Variants in ALG6 observed in about 807,000 individuals in gnomAD.
The protein encoded by ALG6 is dolichyl pyrophosphate Man9GlcNAc2 alpha-1,3-glucosyltransferase.
In ALG6, 46 loss-of-function variants were observed where a neutral mutation model predicts 66.6. The observed-to-expected ratio is 0.69, with a 90% CI of 0.55 to 0.88. The LOEUF is 0.88. Ranked by LOEUF, ALG6 falls within the 40% of genes least tolerant of loss-of-function variation. ALG6 has a pLI of 0.00. For missense variants in ALG6, 505 were observed against 586.8 expected (o/e 0.86, Z 1.44); for synonymous variants, 185 against 203.7 (o/e 0.91, Z 0.78).
chr1:63,407,733 A>G (rs1268911897), intron 7 of ALG6, among the ~76,000 whole-genome samples: 2 of 152,102 alleles, frequency 1.3e-5, no homozygotes, highest in African/African-American at 4.8e-5. Flanking sequence ...AAGGAAAAAA[A>G]GACGACATTA....
intron 11 of ALG6, among the ~76,000 whole-genome samples, chr1:63,418,044 G>A (rs1172773435): frequency 1.3e-5 from 2 of 151,720 alleles, no homozygotes; most frequent in Non-Finnish European, 2.9e-5. Context: ...TGAGGCAGGA[G>A]AATCGCTTGA....
intron 7 of ALG6, 141 bp from the exon 8 acceptor site, chr1:63,411,005 A>T (rs937993476): frequency 1.3e-6 from 1 of 779,530 alleles, no homozygotes; most frequent in Admixed American, 2.6e-5. Flanking sequence ...AATAGCTTTC[A>T]TTGTATATGT....
chr1:63,394,794 T>C (rs1197482240), intron 2 of ALG6, among the ~76,000 whole-genome samples: 1 of 152,196 alleles, frequency 6.6e-6, no homozygotes, highest in Non-Finnish European at 1.5e-5. Flanking sequence ...CAGACTTTGC[T>C]GCTTATTACG....
Position 63,411,908 on chromosome 1 carries a change from C to T in ALG6, c.681-18C>T, listed in dbSNP as rs1184314485. ...TGACCTTTCCCTATCTTACTGCCTA[C>T]CTTTGTTTTTGTTTTAGGTTTGTGT... On this transcript the variant is annotated intron_variant, in intron 8 of 14. Transcript: ENST00000263440. 2.5e-6 allele frequency: 4 copies of T among 1,613,942 alleles called. No homozygotes were observed. The South Asian group carries it at 4.4e-5, about 18-fold the overall frequency.
chr1:63,423,808 C>T (rs143135230), intron 12 of ALG6, among the ~76,000 whole-genome samples: 2 of 152,226 alleles, frequency 1.3e-5, no homozygotes, highest in East Asian at 3.9e-4. Flanking sequence ...TATTCATGTA[C>T]AAGTTTTTGT....
chr1:63,370,422 C>T (rs1045409820), intron 1 of ALG6, among the ~76,000 whole-genome samples: 3 of 152,148 alleles, frequency 2.0e-5, no homozygotes, highest in East Asian at 3.9e-4. Context: ...CCTTTGTCTA[C>T]GGTTGTGGTT....
intron 2 of ALG6, 131 bp downstream of exon 2, chr1:63,371,190 T>C (rs997691922): frequency 3.0e-6 from 2 of 666,804 alleles, no homozygotes; most frequent in African/African-American, 3.6e-5. Context: ...GTTGAGAAAA[T>C]ACATTTAAAT....
At chr1:63,394,892 G>A (rs1385081336) in intron 2 of ALG6, among the ~76,000 whole-genome samples, 1 of 149,366 alleles carries the variant, frequency 6.7e-6, no homozygotes, top group East Asian at 2.0e-4. Flanking sequence ...TTTGGATGGA[G>A]TCTCACTCTG....
At chr1:63,427,348 C>T (rs780392935) in intron 12 of ALG6, among the ~76,000 whole-genome samples, 15 of 151,724 alleles carry the variant, frequency 9.9e-5, no homozygotes, top group Non-Finnish European at 1.6e-4. Flanking sequence ...GTTTATAATC[C>T]CAGGGTTTAA....
chr1:63,436,506 C>G (rs1030335778), intron 14 of ALG6, among the ~76,000 whole-genome samples: 1 of 152,046 alleles, frequency 6.6e-6, no homozygotes, highest in Admixed American at 6.6e-5. Context: ...GTCCCAGATA[C>G]CTTTGTTCAG....
At chr1:63,418,440 T>C (rs1233039385) in intron 11 of ALG6, among the ~76,000 whole-genome samples, 1 of 151,950 alleles carries the variant, frequency 6.6e-6, no homozygotes, top group Non-Finnish European at 1.5e-5. Context: ...TATTTTTCCT[T>C]AAGGCAGGAA....
intron 14 of ALG6, among the ~76,000 whole-genome samples, chr1:63,436,386 G>A (rs1184432102): frequency 6.6e-6 from 1 of 151,986 alleles, no homozygotes; most frequent in East Asian, 1.9e-4. Flanking sequence ...CAAACACTAG[G>A]TTTTATTTCT....
chr1:63,403,833 A>T (rs1644477503), intron 4 of ALG6, among the ~76,000 whole-genome samples: 3 of 152,190 alleles, frequency 2.0e-5, no homozygotes, highest in African/African-American at 2.4e-5. Context: ...ATATGGTAGT[A>T]CAATCTTATG....
At chr1:63,388,306 C>T (rs966093299) in intron 2 of ALG6, among the ~76,000 whole-genome samples, 2 of 152,054 alleles carry the variant, frequency 1.3e-5, no homozygotes, top group Admixed American at 6.6e-5. Context: ...GCTGAGACTA[C>T]AGGCACATGC....
chr1:63,380,311 T>A (rs968746335), intron 2 of ALG6, among the ~76,000 whole-genome samples: 2 of 152,188 alleles, frequency 1.3e-5, no homozygotes, highest in Admixed American at 1.3e-4. Context: ...ATGGTAGTTA[T>A]CAAATGGACA....
At chr1:63,410,287 C>T (rs1305216622) in intron 7 of ALG6, among the ~76,000 whole-genome samples, 1 of 152,076 alleles carries the variant, frequency 6.6e-6, no homozygotes, top group Non-Finnish European at 1.5e-5. Flanking sequence ...TGTTTTCTTG[C>T]TCTCTTGCCC....
At chr1:63,368,737 G>A (rs988491826) in intron 1 of ALG6, among the ~76,000 whole-genome samples, 3 of 152,100 alleles carry the variant, frequency 2.0e-5, no homozygotes, top group Non-Finnish European at 4.4e-5. Flanking sequence ...CTGACCTCAG[G>A]TGATCCACCT....
chr1:63,382,407 T>G (rs1466399645), intron 2 of ALG6, among the ~76,000 whole-genome samples: 8 of 151,822 alleles, frequency 5.3e-5, no homozygotes. Flanking sequence ...TTTACCATGT[T>G]GACCAGACTG....
Position 63,414,045 on chromosome 1 carries a change from A to G in ALG6, c.817-16A>G. ...TCAATTATACCAGAATGTAAAGCTA[A>G]CAAATCTCTTTTAAGGATAAAGTAG... On this transcript the variant is annotated splice_polypyrimidine_tract_variant and intron_variant, in intron 9 of 14. Transcript: ENST00000263440. 6.4e-7 allele frequency: 1 copy of G among 1,569,734 alleles called. No homozygotes were observed. The highest frequency in any genetic ancestry group is 8.8e-7 in the Non-Finnish European group (1 of 1,140,342).
Sources: gnomAD v4.1 joint callset for allele counts (sites outside exome capture counted in the v4.1 genomes callset) on GRCh38, gnomAD v4.1.1 for gene constraint, MANE v1.5 for transcripts, NCBI Gene and HGNC (gene_info 2026-07-23, HGNC 2026-07-21) for gene names.